RARB: variants seen among roughly 807,000 people sequenced by gnomAD.
RARB encodes retinoic acid receptor beta, also known as HBV-activated protein.
In RARB, 17 loss-of-function variants were observed where a neutral mutation model predicts 51.9. That is an observed-to-expected ratio of 0.33 (90% CI 0.22 to 0.49). The LOEUF is 0.49. Among genes scored for constraint, RARB ranks in the 20% least tolerant of loss-of-function variants. RARB has a pLI of 0.99. For missense variants in RARB, 369 were observed against 550.8 expected (o/e 0.67, Z 3.30); for synonymous variants, 215 against 195.4 (o/e 1.10, Z -0.84).
intron 2 of RARB, among the ~76,000 whole-genome samples, chr3:24,883,188 A>T (rs1356341639): frequency 6.6e-6 from 1 of 152,204 alleles, no homozygotes; most frequent in East Asian, 1.9e-4. Context: ...TTAAAGCTGA[A>T]TTTTAAAGTT....
At chr3:25,369,141 A>G (rs1393362997) in intron 5 of RARB, among the ~76,000 whole-genome samples, 2 of 152,208 alleles carry the variant, frequency 1.3e-5, no homozygotes, top group African/African-American at 4.8e-5. Flanking sequence ...ATAAACATCT[A>G]TGTGGTAATC....
intron 4 of RARB, among the ~76,000 whole-genome samples, chr3:25,576,587 A>C (rs972474837): frequency 6.6e-6 from 1 of 152,226 alleles, no homozygotes; most frequent in Non-Finnish European, 1.5e-5. Context: ...ATGGTGGTCC[A>C]GGAGCACGCC....
At chr3:25,442,096 A>G (rs1708712281) in intron 1 of RARB, among the ~76,000 whole-genome samples, 1 of 144,130 alleles carries the variant, frequency 6.9e-6, no homozygotes, top group African/African-American at 2.6e-5. Context: ...TGAGGAAGTG[A>G]CTTTTTAATT....
chr3:25,205,376 G>A (rs1487285990), intron 5 of RARB, among the ~76,000 whole-genome samples: 2 of 152,078 alleles, frequency 1.3e-5, no homozygotes, highest in Admixed American at 6.5e-5. Context: ...CACTTCCCGG[G>A]TGAGGCAATG....
chr3:25,286,004 C>A lies in RARB; in HGVS notation c.178+111429C>A, dbSNP rs114716525. On this transcript the variant is annotated intron_variant, in intron 5 of 11. Transcript: ENST00000383772. ...TTTCTGCCTCCCTATTCTTATTTTC[C>A]TTAAACCATTTGTGTCAGTCGGAGG... Among the ~76,000 whole-genome samples the A allele has an allele frequency of 2.7e-3, 410 of 151,606 alleles. 1 individual carries two copies. The highest frequency in any genetic ancestry group is 9.4e-3 in the African/African-American group (389 of 41,340).
chr3:25,188,085 A>G (rs879491128), intron 5 of RARB, among the ~76,000 whole-genome samples: 2 of 152,146 alleles, frequency 1.3e-5, no homozygotes, highest in Non-Finnish European at 1.5e-5. Context: ...TTAAGTATCA[A>G]GACAATATTC....
intron 3 of RARB, among the ~76,000 whole-genome samples, chr3:25,070,519 A>G (rs1356731771): frequency 9.1e-6 from 1 of 109,978 alleles, no homozygotes; most frequent in African/African-American, 3.2e-5. Context: ...TATATGAAAT[A>G]ATCAAAATAA....
chr3:25,458,319 C>G (rs1360784464), intron 1 of RARB: 2 of 152,114 alleles, frequency 1.3e-5, no homozygotes, highest in African/African-American at 2.4e-5. Context: ...TAGACAAACC[C>G]AAAACATTTA....
At chr3:24,890,120 A>G (rs1703349342) in intron 2 of RARB, among the ~76,000 whole-genome samples, 1 of 152,190 alleles carries the variant, frequency 6.6e-6, no homozygotes, top group Admixed American at 6.5e-5. Flanking sequence ...TATTTGTCTT[A>G]ACACAGAAGT....
Position 25,556,007 on chromosome 3 carries a change from A to ATTTTTT in RARB, c.449-13745_449-13740dup, listed in dbSNP as rs35199932. The stretch of plus-strand genomic sequence containing the variant: ...GTATGTTGTTTCTTGGACATCTTGT[A>ATTTTTT]TTTTTTTTTTTGACCCCTTAGCAGA... On this transcript the variant is annotated intron_variant, in intron 3 of 7. Transcript: ENST00000330688. 8.6e-3 allele frequency among the ~76,000 whole-genome samples: 1,283 copies of ATTTTTT among 149,058 alleles called. 8 individuals carry two copies. Among genetic ancestry groups the ATTTTTT allele is most frequent in the Middle Eastern group, 0.014 (4 of 280 alleles).
chr3:25,444,083 A>G (rs894411323), intron 1 of RARB, among the ~76,000 whole-genome samples: 8 of 152,226 alleles, frequency 5.3e-5, no homozygotes, highest in African/African-American at 1.9e-4. Flanking sequence ...ATTAATATTT[A>G]TTAAGTGCTT....
chr3:25,097,160 T>G (rs1173768786), intron 3 of RARB, among the ~76,000 whole-genome samples: 1 of 152,190 alleles, frequency 6.6e-6, no homozygotes, highest in Non-Finnish European at 1.5e-5. Context: ...TGCCATACTT[T>G]GTGCCATGAA....
chr3:25,485,377 C>T (rs1378455011), intron 2 of RARB, among the ~76,000 whole-genome samples: 2 of 152,182 alleles, frequency 1.3e-5, no homozygotes, highest in Non-Finnish European at 2.9e-5. Context: ...TGGTCTCTGG[C>T]CTTTTGGGTG....
At chr3:25,119,950 G>A (rs1699752661) in intron 3 of RARB, among the ~76,000 whole-genome samples, 1 of 152,144 alleles carries the variant, frequency 6.6e-6, no homozygotes, top group Admixed American at 6.6e-5. Flanking sequence ...AAGGAGAAGT[G>A]ATGGTTTGAT....
chr3:25,234,622 G>A (rs571589310), intron 5 of RARB, among the ~76,000 whole-genome samples: 1 of 151,638 alleles, frequency 6.6e-6, no homozygotes, highest in Admixed American at 6.6e-5. Context: ...GGGATCTTCT[G>A]CTTCACTTCT....
At chr3:25,373,097 C>T (rs13070614) in intron 5 of RARB, among the ~76,000 whole-genome samples, 1 of 152,106 alleles carries the variant, frequency 6.6e-6, no homozygotes, top group African/African-American at 2.4e-5. Context: ...AAGCGTTTGT[C>T]TGTAATATGT....
chr3:25,464,989 G>T (rs547923051), intron 2 of RARB, among the ~76,000 whole-genome samples: 5 of 151,722 alleles, frequency 3.3e-5, no homozygotes, highest in Non-Finnish European at 5.9e-5. Context: ...AGTTTTTTTC[G>T]ATTATAAATA....
At chr3:25,057,822 T>A (rs1375742462) in intron 2 of RARB, among the ~76,000 whole-genome samples, 1 of 151,924 alleles carries the variant, frequency 6.6e-6, no homozygotes, top group Non-Finnish European at 1.5e-5. Context: ...TTTTTTACCA[T>A]CGAAAATGTA....
At chr3:25,035,189 T>C (rs13083089) in intron 2 of RARB, among the ~76,000 whole-genome samples, 1 of 152,098 alleles carries the variant, frequency 6.6e-6, no homozygotes, top group African/African-American at 2.4e-5. Context: ...TGACACCATC[T>C]TGGCTCACTA....
Sources: gnomAD v4.1 joint callset for allele counts (sites outside exome capture counted in the v4.1 genomes callset) on GRCh38, gnomAD v4.1.1 for gene constraint, MANE v1.5 for transcripts, NCBI Gene and HGNC (gene_info 2026-07-23, HGNC 2026-07-21) for gene names.